Variants in TMEM167A observed in about 807,000 individuals in gnomAD.
The protein encoded by TMEM167A is protein kish-A.
A neutral mutation model predicts 11.6 loss-of-function variants in TMEM167A; 8 were observed. The observed-to-expected ratio is 0.69, with a 90% CI of 0.40 to 1.24. The LOEUF is 1.24. Among genes scored for constraint, TMEM167A ranks in the 50% most tolerant of loss-of-function variants. The pLI is 0.01. For synonymous variants in TMEM167A, 22 were observed against 28.0 expected (o/e 0.79, Z 0.67); for missense variants, 62 against 87.0 (o/e 0.71, Z 1.14).
chr5:83,065,088 C>G lies in TMEM167A; in HGVS notation c.33G>C (p.Leu11Phe). 1 of 1,562,568 alleles carries G rather than the reference C, an allele frequency of 6.4e-7. No homozygotes were observed. Among genetic ancestry groups the G allele is most frequent in the South Asian group, 1.2e-5 (1 of 83,792 alleles). ...TACATATAAGCAGCAAGATTACAGT[C>G]AATAGACTCTGAAAATTGAAAATGG... MSAIFNFQSL[L>F]TVILLLICTC... is the part of the protein sequence containing the mutation. Residue 11 changes from leucine (L) to phenylalanine (F), a missense_variant, in exon 2 of 4, where the codon TTG becomes TTC. Coordinates refer to ENST00000502346, the MANE Select transcript of TMEM167A (RefSeq NM_174909.5).
intron 1 of TMEM167A, among the ~76,000 whole-genome samples, chr5:83,074,844 C>T (rs1374082661): frequency 6.6e-6 from 1 of 151,966 alleles, no homozygotes; most frequent in African/African-American, 2.4e-5. Flanking sequence ...AATCTCGACA[C>T]ACCGCAACCT....
rs760727274 is a variant in TMEM167A, at chr5:83,077,356, C to T, written c.-33G>A. ...CCGGCGATGCCGCAGCCACATCACC[C>T]TTCCGGGGCTCAGGCGGAAGAGGCT... On this transcript the variant is annotated 5_prime_UTR_variant, in exon 1 of 4. Coordinates refer to ENST00000502346, the MANE Select transcript of TMEM167A (RefSeq NM_174909.5). 4 of 1,614,152 alleles carry T rather than the reference C, an allele frequency of 2.5e-6. No homozygotes were observed. Among genetic ancestry groups the T allele is most frequent in the Non-Finnish European group, 2.5e-6 (3 of 1,180,002 alleles).
intron 3 of TMEM167A, among the ~76,000 whole-genome samples, chr5:83,059,172 A>AAT (rs1274874661): frequency 6.6e-6 from 1 of 151,934 alleles, no homozygotes; most frequent in Admixed American, 6.6e-5. Flanking sequence ...CAAGCAAAAA[A>AAT]AAAAAAAGGA....
At chr5:83,077,085 T>C (rs952503033) in intron 1 of TMEM167A, among the ~76,000 whole-genome samples, 2 of 152,232 alleles carry the variant, frequency 1.3e-5, no homozygotes, top group Non-Finnish European at 2.9e-5. Flanking sequence ...CGCATTTTTT[T>C]TTCCTAAACA....
rs1322825323 is a variant in TMEM167A at position 83,053,937 on chromosome 5, T to C, written c.*3147A>G. 3 of 152,062 alleles carry C rather than the reference T, an allele frequency of 2.0e-5. No homozygotes were observed. The highest frequency in any genetic ancestry group is 4.4e-5 in the Non-Finnish European group (3 of 67,948). The allele number at this position is 152,062 out of a possible 1,614,324, so 9.4% of individuals were successfully genotyped here. ...GAATTACTACGAGGAAGAATCTGTG[T>C]GCCTATCTTCCTGTCTTCAGTGATG... On this transcript the variant is annotated 3_prime_UTR_variant, in exon 4 of 4. Transcript: ENST00000502346.
chr5:83,059,763 C>T (rs899220808), intron 3 of TMEM167A, among the ~76,000 whole-genome samples: 1 of 152,012 alleles, frequency 6.6e-6, no homozygotes, highest in Non-Finnish European at 1.5e-5. Flanking sequence ...GTACTATGGA[C>T]ATTTTGAGCT....
intron 1 of TMEM167A, among the ~76,000 whole-genome samples, chr5:83,074,202 C>T (rs137983355): frequency 1.4e-4 from 22 of 152,334 alleles, no homozygotes; most frequent in African/African-American, 5.3e-4. Context: ...TTATTCCTGC[C>T]ACATTAAGGC....
intron 3 of TMEM167A, among the ~76,000 whole-genome samples, chr5:83,060,831 CAA>C (rs35024013): frequency 9.8e-4 from 118 of 120,126 alleles, no homozygotes; most frequent in African/African-American, 3.5e-3. Context: ...ACTCCATCTC[CAA>C]AAAAAAAAAA....
At chr5:83,061,759 G>T in intron 3 of TMEM167A, 118 bp downstream of exon 3, 1 of 991,600 alleles carries the variant, frequency 1.0e-6, no homozygotes, top group South Asian at 1.5e-5. Flanking sequence ...TTGCGAAAAT[G>T]CATAAAATTG....
intron 1 of TMEM167A, among the ~76,000 whole-genome samples, chr5:83,073,473 C>T (rs1401191541): frequency 6.6e-6 from 1 of 152,206 alleles, no homozygotes; most frequent in Non-Finnish European, 1.5e-5. Context: ...ATATTCAACA[C>T]TGAAGTAAAT....
chr5:83,073,965 G>C (rs995077828), intron 1 of TMEM167A, among the ~76,000 whole-genome samples: 2 of 152,156 alleles, frequency 1.3e-5, no homozygotes, highest in Admixed American at 1.3e-4. Flanking sequence ...TTGTTTTCAA[G>C]CTGGTCTCCC....
chr5:83,070,508 C>A (rs1263610663), intron 1 of TMEM167A, among the ~76,000 whole-genome samples: 1 of 152,122 alleles, frequency 6.6e-6, no homozygotes, highest in Non-Finnish European at 1.5e-5. Context: ...TTTATTTGAT[C>A]ATTTTGAAGT....
At chr5:83,058,028 A>G (rs2112238052) in intron 3 of TMEM167A, among the ~76,000 whole-genome samples, 1 of 152,224 alleles carries the variant, frequency 6.6e-6, no homozygotes, top group East Asian at 1.9e-4. Context: ...TACTTCTAGA[A>G]ATAATCCTGG....
At chr5:83,075,679 A>T (rs1268466625) in intron 1 of TMEM167A, among the ~76,000 whole-genome samples, 1 of 151,894 alleles carries the variant, frequency 6.6e-6, no homozygotes, top group African/African-American at 2.4e-5. Flanking sequence ...CAGGAAGCAG[A>T]GGTTGCAGTG....
intron 1 of TMEM167A, among the ~76,000 whole-genome samples, chr5:83,069,974 T>C (rs760244046): frequency 1.3e-5 from 2 of 152,134 alleles, no homozygotes; most frequent in Non-Finnish European, 2.9e-5. Context: ...GCTTTGCATA[T>C]ATGCTTACTT....
At chr5:83,071,646 T>C (rs1358198329) in intron 1 of TMEM167A, among the ~76,000 whole-genome samples, 4 of 152,324 alleles carry the variant, frequency 2.6e-5, no homozygotes, top group African/African-American at 9.6e-5. Flanking sequence ...CACTAATACA[T>C]AAAAATTATC....
At chr5:83,067,235 G>C (rs954171232) in intron 1 of TMEM167A, among the ~76,000 whole-genome samples, 3 of 137,434 alleles carry the variant, frequency 2.2e-5, no homozygotes, top group Admixed American at 1.4e-4. Context: ...GAATAGCCAG[G>C]AGAATCTTAA....
chr5:83,065,066 A>G lies in TMEM167A; in HGVS notation c.55T>C (p.Cys19Arg). ...AAGGATCGAATATAAGCACAGGTAC[A>G]TATAAGCAGCAAGATTACAGTCAAT... is the stretch of plus-strand genomic sequence containing the variant. ...SLLTVILLLI[C>R]TCAYIRSLAP... The change falls in exon 2 of 4, where the codon TGT becomes CGT. Residue 19 changes from cysteine (C) to arginine (R), a missense_variant. Physicochemically the swap from Cys to Arg is radical, Grantham distance 180. Transcript: ENST00000502346. 1.9e-6 allele frequency: 3 copies of G among 1,607,338 alleles called. No homozygotes were observed. Among genetic ancestry groups the G allele is most frequent in the Non-Finnish European group, 1.7e-6 (2 of 1,178,266 alleles).
At chr5:83,071,798 A>T (rs1170157785) in intron 1 of TMEM167A, among the ~76,000 whole-genome samples, 1 of 151,456 alleles carries the variant, frequency 6.6e-6, no homozygotes, top group Non-Finnish European at 1.5e-5. Context: ...ATATTTAGAT[A>T]TGAACCCATC....
Sources: gnomAD v4.1 joint callset for allele counts (sites outside exome capture counted in the v4.1 genomes callset) on GRCh38, gnomAD v4.1.1 for gene constraint, MANE v1.5 for transcripts, NCBI Gene and HGNC (gene_info 2026-07-23, HGNC 2026-07-21) for gene names.